Variants in ANKS1B observed in about 807,000 individuals in gnomAD.
ANKS1B encodes ankyrin repeat and sterile alpha motif domain containing 1B.
A neutral mutation model predicts 148.3 loss-of-function variants in ANKS1B; 36 were observed. The observed-to-expected ratio is 0.24, with a 90% CI of 0.19 to 0.32. The LOEUF (loss-of-function observed/expected upper bound fraction) is 0.32, where lower values mean the gene tolerates loss of function less well. Among genes scored for constraint, ANKS1B ranks in the 10% least tolerant of loss-of-function variants. ANKS1B has a pLI of 1.00. For missense variants in ANKS1B, 1,157 were observed against 1,542.6 expected (o/e 0.75, Z 4.19); for synonymous variants, 542 against 560.8 (o/e 0.97, Z 0.47).
intron 17 of ANKS1B, among the ~76,000 whole-genome samples, chr12:98,958,875 G>A (rs927697440): frequency 2.0e-5 from 3 of 152,146 alleles, no homozygotes; most frequent in African/African-American, 7.2e-5. Context: ...ATGTATCAAT[G>A]AGACATTTCA....
chr12:99,560,840 CTTTTTTTTTTT>C (rs58588885), intron 9 of ANKS1B, among the ~76,000 whole-genome samples: 3 of 71,920 alleles, frequency 4.2e-5, no homozygotes, highest in African/African-American at 1.5e-4. Context: ...TTTCTTTTTT[CTTTTTTTTTTT>C]TTTTTTTTTT....
intron 1 of ANKS1B, among the ~76,000 whole-genome samples, chr12:99,862,702 T>C (rs937956382): frequency 3.3e-5 from 5 of 152,232 alleles, no homozygotes; most frequent in African/African-American, 7.2e-5. Context: ...ATTATTATAA[T>C]GTATTGTTTT....
chr12:99,036,426 T>C (rs1438679304), intron 17 of ANKS1B, among the ~76,000 whole-genome samples: 1 of 152,216 alleles, frequency 6.6e-6, no homozygotes, highest in Non-Finnish European at 1.5e-5. Flanking sequence ...TCACTGATTC[T>C]AGAACACACA....
intron 8 of ANKS1B, among the ~76,000 whole-genome samples, chr12:99,663,074 T>C (rs573369056): frequency 1.4e-4 from 21 of 152,274 alleles, no homozygotes; most frequent in African/African-American, 5.1e-4. Flanking sequence ...TAGCATGATA[T>C]ATCATATTTT....
intron 12 of ANKS1B, among the ~76,000 whole-genome samples, chr12:99,371,748 C>T (rs1352007135): frequency 1.3e-5 from 2 of 152,036 alleles, no homozygotes; most frequent in African/African-American, 2.4e-5. Context: ...AATAGTTAAG[C>T]TCTAATTATT....
chr12:99,883,644 A>G (rs981864101), intron 1 of ANKS1B, among the ~76,000 whole-genome samples: 4 of 152,244 alleles, frequency 2.6e-5, no homozygotes, highest in East Asian at 1.9e-4. Flanking sequence ...TCGGCCGGGC[A>G]CAGTGGCTCA....
intron 10 of ANKS1B, among the ~76,000 whole-genome samples, chr12:99,447,336 T>C (rs143113502): frequency 1.3e-5 from 2 of 152,090 alleles, no homozygotes; most frequent in East Asian, 3.9e-4. Context: ...TAAAGCTGGG[T>C]GCAATGGTAC....
chr12:99,366,330 C>G (rs1274512898), intron 12 of ANKS1B, among the ~76,000 whole-genome samples: 1 of 152,168 alleles, frequency 6.6e-6, no homozygotes, highest in Admixed American at 6.5e-5. Flanking sequence ...CCTTTTGTCT[C>G]TCAGCCTCAG....
chr12:99,617,270 G>A (rs191810261), intron 9 of ANKS1B, among the ~76,000 whole-genome samples: 1 of 152,168 alleles, frequency 6.6e-6, no homozygotes, highest in South Asian at 2.1e-4. Flanking sequence ...AATACCATTT[G>A]AGCCAGCAAT....
chr12:99,476,608 T>C (rs545279397), intron 10 of ANKS1B, among the ~76,000 whole-genome samples: 3 of 152,110 alleles, frequency 2.0e-5, no homozygotes, highest in Admixed American at 6.6e-5. Flanking sequence ...AAAAGGAGCT[T>C]GAACTAATAG....
At chr12:98,932,995 G>A (rs1329336159) in intron 17 of ANKS1B, among the ~76,000 whole-genome samples, 1 of 152,100 alleles carries the variant, frequency 6.6e-6, no homozygotes, top group African/African-American at 2.4e-5. Flanking sequence ...CACTTAACAT[G>A]CGATCTACCT....
At chr12:99,540,226 T>C (rs565599277) in intron 9 of ANKS1B, among the ~76,000 whole-genome samples, 1 of 152,274 alleles carries the variant, frequency 6.6e-6, no homozygotes, top group East Asian at 1.9e-4. Flanking sequence ...GAGACTTCAA[T>C]ATCACATTTT....
chr12:99,194,023 A>G (rs1368453400), intron 14 of ANKS1B, among the ~76,000 whole-genome samples: 4 of 151,598 alleles, frequency 2.6e-5, no homozygotes, highest in Non-Finnish European at 4.4e-5. Flanking sequence ...GATGGTCTCA[A>G]TCTCTTTACC....
intron 9 of ANKS1B, among the ~76,000 whole-genome samples, chr12:99,588,509 C>T (rs975726855): frequency 6.6e-6 from 1 of 151,606 alleles, no homozygotes; most frequent in Non-Finnish European, 1.5e-5. Context: ...TTCCACCTCC[C>T]GGGTTCATGC....
intron 9 of ANKS1B, among the ~76,000 whole-genome samples, chr12:99,575,426 A>T (rs1415562729): frequency 6.6e-6 from 1 of 152,082 alleles, no homozygotes; most frequent in Non-Finnish European, 1.5e-5. Context: ...GTACTGTATT[A>T]GTCTGTTTTC....
rs993434950 is a variant in ANKS1B, at chr12:99,475,698, T to C, written c.1438+28778A>G. Among the ~76,000 whole-genome samples, 9 of 151,360 alleles carry C rather than the reference T, an allele frequency of 5.9e-5. No individual in the cohort carries two copies. The East Asian group carries it at 1.4e-3, about 23-fold the overall frequency. On this transcript the variant is annotated intron_variant, in intron 10 of 26. Transcript: ENST00000683438. Reference sequence around the variant, plus strand: ...AATGACCAAAATAACAAAGAAAGTATGAAAAATAATAGTTAAAAAAAGAAT... The same window carrying C: ...AATGACCAAAATAACAAAGAAAGTACGAAAAATAATAGTTAAAAAAAGAAT...
chr12:98,818,011 T>C (rs2099154921), intron 19 of ANKS1B, among the ~76,000 whole-genome samples: 1 of 152,158 alleles, frequency 6.6e-6, no homozygotes, highest in South Asian at 2.1e-4. Context: ...TGGGAGGAAG[T>C]AAACAACACA....
intron 17 of ANKS1B, among the ~76,000 whole-genome samples, chr12:98,936,746 A>C (rs1420406676): frequency 2.6e-5 from 4 of 152,196 alleles, no homozygotes; most frequent in African/African-American, 7.2e-5. Flanking sequence ...CAGTGGTCTT[A>C]AGTCAATTTA....
rs575082806 is a variant in ANKS1B at position 99,892,194 on chromosome 12, G to A, written c.135-66805C>T. 7.3e-4 allele frequency among the ~76,000 whole-genome samples: 111 copies of A among 152,018 alleles called. 1 individual carries two copies. The highest frequency in any genetic ancestry group is 2.7e-3 in the African/African-American group (110 of 41,444). ...AATTTTTTGTATTTTTAGTAGAGACGGGGTTTCACCGTGTTAGCCAGGATG... is the reference window on the plus strand; with the variant it reads ...AATTTTTTGTATTTTTAGTAGAGACAGGGTTTCACCGTGTTAGCCAGGATG... On this transcript the variant is annotated intron_variant, in intron 1 of 26. Transcript: ENST00000683438.
Sources: gnomAD v4.1 joint callset for allele counts (sites outside exome capture counted in the v4.1 genomes callset) on GRCh38, gnomAD v4.1.1 for gene constraint, MANE v1.5 for transcripts, NCBI Gene and HGNC (gene_info 2026-07-23, HGNC 2026-07-21) for gene names.